The following EXO1 variants were observed in gnomAD, a reference collection of about 807,000 sequenced individuals.
EXO1 encodes exonuclease 1.
A neutral mutation model predicts 84.5 loss-of-function variants in EXO1; 69 were observed. That is an observed-to-expected ratio of 0.82 (90% CI 0.67 to 1.00). The LOEUF (loss-of-function observed/expected upper bound fraction) is 1.00, where lower values mean the gene tolerates loss of function less well. Ranked by LOEUF, EXO1 falls within the 50% of genes least tolerant of loss-of-function variation. The pLI is 0.00. For synonymous variants in EXO1, 373 were observed against 366.1 expected (o/e 1.02, Z -0.21); for missense variants, 1,045 against 1,000.7 (o/e 1.04, Z -0.60).
chr1:241,884,991 A>G (rs1662968209), intron 14 of EXO1, among the ~76,000 whole-genome samples: 1 of 151,986 alleles, frequency 6.6e-6, no homozygotes, highest in African/African-American at 2.4e-5. Context: ...GCAGATCACA[A>G]GGTCAGGAGA....
At chr1:241,878,702 C>T (rs1488682814) in intron 12 of EXO1, 47 bp from the exon 13 acceptor site, 1 of 1,239,532 alleles carries the variant, frequency 8.1e-7, no homozygotes, top group African/African-American at 1.5e-5. Context: ...TGAGAAAACT[C>T]TAAAATACTC....
chr1:241,856,090 C>A (rs1443134558), intron 6 of EXO1, among the ~76,000 whole-genome samples: 2 of 152,174 alleles, frequency 1.3e-5, no homozygotes, highest in African/African-American at 2.4e-5. Flanking sequence ...AGAGGAGGCG[C>A]CGAGAGCGAG....
At chr1:241,850,635 A>G (rs1436681312) in intron 4 of EXO1, 49 bp downstream of exon 4, 1 of 1,507,574 alleles carries the variant, frequency 6.6e-7, no homozygotes, top group African/African-American at 1.4e-5. Flanking sequence ...AATGAGACCT[A>G]CAGTGCCTTT....
chr1:241,864,487 G>T (rs1661595047), intron 10 of EXO1, among the ~76,000 whole-genome samples: 1 of 152,218 alleles, frequency 6.6e-6, no homozygotes, highest in South Asian at 2.1e-4. Flanking sequence ...AAGTTCAATT[G>T]TTCTGGTTCT....
chr1:241,867,770 C>T (rs905538789), intron 11 of EXO1, among the ~76,000 whole-genome samples: 1 of 152,084 alleles, frequency 6.6e-6, no homozygotes, highest in African/African-American at 2.4e-5. Flanking sequence ...TTATTCTATA[C>T]CATTGCTCTC....
intron 8 of EXO1, among the ~76,000 whole-genome samples, chr1:241,858,934 T>A (rs894645751): frequency 6.6e-6 from 1 of 152,196 alleles, no homozygotes; most frequent in African/African-American, 2.4e-5. Flanking sequence ...TAGTGATTTT[T>A]AAAACAAAGA....
At chr1:241,878,225 G>A (rs1286543095) in intron 12 of EXO1, among the ~76,000 whole-genome samples, 14 of 152,196 alleles carry the variant, frequency 9.2e-5, no homozygotes, top group African/African-American at 2.2e-4. Flanking sequence ...TAGGCCGGGC[G>A]CTGTGGCTCA....
At chr1:241,885,583 C>T (rs754557801) in intron 15 of EXO1, 76 bp downstream of exon 15, 1 of 1,117,338 alleles carries the variant, frequency 8.9e-7, no homozygotes, top group African/African-American at 1.5e-5. Context: ...TCTCCCAACT[C>T]TTCCTAGTTT....
rs551592115 is a variant in EXO1, at chr1:241,853,224, G to C, written c.282-134G>C. 1.9e-5 allele frequency: 16 copies of C among 846,268 alleles called. No homozygotes were observed. The East Asian group carries it at 3.7e-4, about 20-fold the overall frequency. The allele number at this position is 846,268 out of a possible 1,614,324, so 52.4% of individuals were successfully genotyped here. A position where few individuals can be genotyped will look rare whatever the true frequency, so the allele number is the denominator to read the frequency against. ...AGCATCTGGGTTAATGTTCTCAAGG[G>C]CCTGGTGTGTACTTTCTAATGAGTC... is the stretch of plus-strand genomic sequence containing the variant. On this transcript the variant is annotated intron_variant, in intron 5 of 15. Coordinates refer to ENST00000366548, the MANE Select transcript of EXO1 (RefSeq NM_130398.4).
chr1:241,853,336 A>C (rs775266335), intron 5 of EXO1, 22 bp from the exon 6 acceptor site: 1 of 1,611,704 alleles, frequency 6.2e-7, no homozygotes, highest in South Asian at 1.1e-5. Flanking sequence ...TTTTATATTT[A>C]AAAAATGTTC....
rs1662204081 is a variant in EXO1, at chr1:241,873,084, T to A, written c.1514+806T>A. Reference sequence around the variant, plus strand: ...AGATGGTAACTCATTGTGGGTTTTTTTTTTTATACTTTAAGTTCTAGGGTA... The same window carrying A: ...AGATGGTAACTCATTGTGGGTTTTTATTTTTATACTTTAAGTTCTAGGGTA... On this transcript the variant is annotated intron_variant, in intron 12 of 15. Coordinates refer to ENST00000366548, the MANE Select transcript of EXO1 (RefSeq NM_130398.4). Among the ~76,000 whole-genome samples the A allele has an allele frequency of 2.0e-5, 3 of 152,050 alleles. No individual in the cohort carries two copies. The South Asian group carries it at 6.2e-4, about 32-fold the overall frequency.
In EXO1 at chr1:241,858,396, T is replaced by A. The variant is rs575492094; in HGVS notation, c.544-110T>A. The A allele has an allele frequency of 3.9e-5, 28 of 717,086 alleles. No individual in the cohort carries two copies. In the African/African-American group the frequency reaches 4.2e-4, roughly 11 times the overall value. The allele number at this position is 717,086 out of a possible 1,614,324, so 44.4% of individuals were successfully genotyped here. A position where few individuals can be genotyped will look rare whatever the true frequency, so the allele number is the denominator to read the frequency against. On this transcript the variant is annotated intron_variant, in intron 7 of 15. Coordinates refer to ENST00000366548, the MANE Select transcript of EXO1 (RefSeq NM_130398.4). ...AGCCTGTCTATCTATGTCTCCTGTCTTTCAGTGTTATGGTGAAGAACAAGA... is the reference window on the plus strand; with the variant it reads ...AGCCTGTCTATCTATGTCTCCTGTCATTCAGTGTTATGGTGAAGAACAAGA...
Position 241,881,988 on chromosome 1 carries a change from T to C in EXO1, c.2182T>C (p.Ser728Pro). ...QTSKLRLSHFSKKDTPLRNKV... is the reference protein window; with the variant it reads ...QTSKLRLSHFPKKDTPLRNKV... ...CTCCAAGCTACGTTTATCTCATTTCTCAAAAAAAGACACACCTCTAAGGAA... is the reference window on the plus strand; with the variant it reads ...CTCCAAGCTACGTTTATCTCATTTCCCAAAAAAAGACACACCTCTAAGGAA... Residue 728 changes from serine to proline, a missense_variant, in exon 14 of 16, where the codon TCA (serine) becomes CCA (proline). Coordinates refer to ENST00000366548, the MANE Select transcript of EXO1 (RefSeq NM_130398.4). The C allele has an allele frequency of 6.4e-7, 1 of 1,569,492 alleles. No homozygotes were observed. The highest frequency in any genetic ancestry group is 1.3e-5 in the African/African-American group (1 of 74,228).
At chr1:241,884,647 CTGTG>C (rs71570908) in intron 14 of EXO1, among the ~76,000 whole-genome samples, 8 of 147,712 alleles carry the variant, frequency 5.4e-5, no homozygotes, top group South Asian at 2.1e-4. Context: ...ACTATGCTGC[CTGTG>C]TGTGTGTGTG....
chr1:241,870,895 C>T (rs887134889), intron 11 of EXO1, among the ~76,000 whole-genome samples: 4 of 152,156 alleles, frequency 2.6e-5, no homozygotes, highest in Admixed American at 6.5e-5. Flanking sequence ...TTCCTTTTGA[C>T]TAACAGTTGC....
chr1:241,867,434 G>T (rs960051626), intron 11 of EXO1, among the ~76,000 whole-genome samples: 1 of 152,136 alleles, frequency 6.6e-6, no homozygotes, highest in Non-Finnish European at 1.5e-5. Context: ...CCATGATTCA[G>T]TTATCTCCCA....
At chr1:241,869,076 ATTTCTT>A (rs1353393994) in intron 11 of EXO1, among the ~76,000 whole-genome samples, 2 of 152,098 alleles carry the variant, frequency 1.3e-5, no homozygotes, top group Admixed American at 6.5e-5. Flanking sequence ...AATACCTTTT[ATTTCTT>A]TTTCTTAGTA....
chr1:241,880,179 A>G (rs934328163), intron 13 of EXO1, among the ~76,000 whole-genome samples: 6 of 152,188 alleles, frequency 3.9e-5, no homozygotes, highest in African/African-American at 9.6e-5. Flanking sequence ...ATACTGGTCT[A>G]GAAGACTGTC....
intron 12 of EXO1, among the ~76,000 whole-genome samples, chr1:241,877,640 C>T (rs1202527928): frequency 6.6e-6 from 1 of 152,034 alleles, no homozygotes; most frequent in Non-Finnish European, 1.5e-5. Flanking sequence ...TTTATCTGAT[C>T]ATGTATAATA....
Sources: gnomAD v4.1 joint callset for allele counts (sites outside exome capture counted in the v4.1 genomes callset) on GRCh38, gnomAD v4.1.1 for gene constraint, MANE v1.5 for transcripts, NCBI Gene and HGNC (gene_info 2026-07-23, HGNC 2026-07-21) for gene names.